Variants in PLCB1 observed in about 807,000 individuals in gnomAD.
The protein encoded by PLCB1 is phospholipase C beta 1.
PLCB1 carries 46 observed loss-of-function variants against 161.8 expected under a neutral mutation model. The observed-to-expected ratio is 0.28, with a 90% confidence interval of 0.22 to 0.36. The LOEUF (loss-of-function observed/expected upper bound fraction) is 0.36. Ranked by LOEUF, PLCB1 falls within the 10% of genes least tolerant of loss-of-function variation. The pLI, the probability that PLCB1 is intolerant of heterozygous loss-of-function variation, is 1.00. For missense variants in PLCB1, 1,016 were observed against 1,472.5 expected (o/e 0.69, Z 5.07); for synonymous variants, 517 against 503.7 (o/e 1.03, Z -0.35).
intron 2 of PLCB1, among the ~76,000 whole-genome samples, chr20:8,263,148 T>C (rs1207105479): frequency 6.6e-6 from 1 of 151,814 alleles, no homozygotes; most frequent in Non-Finnish European, 1.5e-5. Context: ...ATCTGTTAGA[T>C]GGGAATGAAT....
At chr20:8,716,878 A>T (rs1979345362) in intron 13 of PLCB1, among the ~76,000 whole-genome samples, 1 of 152,050 alleles carries the variant, frequency 6.6e-6, no homozygotes, top group Non-Finnish European at 1.5e-5. Flanking sequence ...TCCTTCCCGC[A>T]CCCTTTTGCC....
chr20:8,242,699 T>C (rs1980684616), intron 2 of PLCB1, among the ~76,000 whole-genome samples: 1 of 151,912 alleles, frequency 6.6e-6, no homozygotes, highest in South Asian at 2.1e-4. Flanking sequence ...GAAGTTACCT[T>C]GAAAGAAGGA....
intron 2 of PLCB1, among the ~76,000 whole-genome samples, chr20:8,284,904 C>T (rs1983041350): frequency 6.6e-6 from 1 of 151,978 alleles, no homozygotes; most frequent in African/African-American, 2.4e-5. Flanking sequence ...GTCTTTTGTG[C>T]CTCTTCATTC....
chr20:8,768,738 C>T (rs1362333935), intron 26 of PLCB1, among the ~76,000 whole-genome samples: 4 of 152,206 alleles, frequency 2.6e-5, no homozygotes, highest in South Asian at 2.1e-4. Flanking sequence ...CCCTGAGATA[C>T]TACTTGTGTC....
chr20:8,155,779 T>G (rs1333612132), intron 2 of PLCB1, among the ~76,000 whole-genome samples: 10 of 152,170 alleles, frequency 6.6e-5, no homozygotes, highest in Admixed American at 1.3e-4. Context: ...TTAAATGCAA[T>G]GATGTAGTTA....
intron 7 of PLCB1, chr20:8,653,460 G>A (rs1389580315): frequency 6.6e-6 from 1 of 151,806 alleles, no homozygotes; most frequent in Non-Finnish European, 1.5e-5. Context: ...TGATTTACTT[G>A]TAGTTATTTC....
chr20:8,298,469 A>G (rs1983740711), intron 2 of PLCB1, among the ~76,000 whole-genome samples: 1 of 152,044 alleles, frequency 6.6e-6, no homozygotes, highest in African/African-American at 2.4e-5. Context: ...GCTACTCATT[A>G]TTATCTTGAT....
intron 31 of PLCB1, among the ~76,000 whole-genome samples, chr20:8,871,175 C>T (rs896154126): frequency 6.6e-6 from 1 of 152,142 alleles, no homozygotes; most frequent in African/African-American, 2.4e-5. Flanking sequence ...ATGGCTAATT[C>T]ATGAAAGTAA....
chr20:8,829,603 C>T (rs983488289), intron 31 of PLCB1, among the ~76,000 whole-genome samples: 12 of 152,176 alleles, frequency 7.9e-5, no homozygotes, highest in African/African-American at 2.4e-4. Context: ...TGGCAATGCA[C>T]GCCTGGAAGG....
chr20:8,684,108 T>A (rs1041256493), intron 9 of PLCB1, among the ~76,000 whole-genome samples: 18 of 152,002 alleles, frequency 1.2e-4, no homozygotes, highest in Non-Finnish European at 1.9e-4. Context: ...ATGGTCTCGA[T>A]CTCCTGACCT....
chr20:8,656,790 G>GA (rs11314543), intron 7 of PLCB1, among the ~76,000 whole-genome samples: 136 of 142,594 alleles, frequency 9.5e-4, no homozygotes, highest in Admixed American at 1.8e-3. Context: ...ATTCAAGTAG[G>GA]AAAAAAAAAA....
chr20:8,458,591 G>A (rs182221428), intron 3 of PLCB1, among the ~76,000 whole-genome samples: 111 of 152,224 alleles, frequency 7.3e-4, no homozygotes, highest in Admixed American at 1.2e-3. Context: ...CTACATCAAC[G>A]TCCTTAGATG....
At chr20:8,612,513 A>G (rs1301979432) in intron 3 of PLCB1, among the ~76,000 whole-genome samples, 1 of 152,156 alleles carries the variant, frequency 6.6e-6, no homozygotes, top group South Asian at 2.1e-4. Flanking sequence ...AGGAAGTCCA[A>G]CTACACTCTG....
intron 3 of PLCB1, among the ~76,000 whole-genome samples, chr20:8,469,115 G>A (rs1464418018): frequency 6.6e-6 from 1 of 152,146 alleles, no homozygotes; most frequent in Non-Finnish European, 1.5e-5. Context: ...GATGAAGAAA[G>A]CGTAAGCATC....
intron 4 of PLCB1, among the ~76,000 whole-genome samples, chr20:8,645,181 A>G (rs1474704321): frequency 7.6e-6 from 1 of 132,184 alleles, no homozygotes; most frequent in Non-Finnish European, 1.8e-5. Flanking sequence ...TAAACACTGC[A>G]GGGTCCTCTG....
chr20:8,551,625 A>G (rs1448095590), intron 3 of PLCB1, among the ~76,000 whole-genome samples: 1 of 152,084 alleles, frequency 6.6e-6, no homozygotes, highest in Non-Finnish European at 1.5e-5. Flanking sequence ...TCAAACCATG[A>G]TCTATGGGAG....
intron 31 of PLCB1, among the ~76,000 whole-genome samples, chr20:8,829,038 G>A (rs1216560395): frequency 6.6e-6 from 1 of 152,176 alleles, no homozygotes. Flanking sequence ...ATAGACATAT[G>A]CTAAAGCAAG....
chr20:8,697,706 T>G lies in PLCB1; in HGVS notation c.1090T>G (p.Cys364Gly). ...TGGTTGTCGCTGTGTGGAGCTGGAC[T>G]GCTGGAAGGGACGGACTGCAGAAGA... is the stretch of plus-strand genomic sequence containing the variant. ...LSGCRCVELD[C>G]WKGRTAEEEP... The change falls in exon 11 of 32, where the codon TGC becomes GGC. Residue 364 changes from cysteine (C) to glycine (G), a missense_variant. By Grantham distance (159) the Cys-to-Gly change is radical. Around this residue, in one of 10 missense-constraint regions of PLCB1, gnomAD observed 56 missense variants for 126.3 expected, o/e 0.44. Transcript: ENST00000338037. 1 of 1,614,218 alleles carries G rather than the reference T, an allele frequency of 6.2e-7. No individual in the cohort carries two copies. The highest frequency in any genetic ancestry group is 1.3e-5 in the African/African-American group (1 of 75,054).
intron 27 of PLCB1, among the ~76,000 whole-genome samples, chr20:8,775,556 G>A (rs1023070771): frequency 2.0e-5 from 3 of 152,174 alleles, no homozygotes; most frequent in Admixed American, 2.0e-4. Context: ...AAGGTTGGAA[G>A]CCTATAGATG....
Sources: allele counts gnomAD v4.1 joint callset (sites outside exome capture counted in the v4.1 genomes callset), GRCh38; gene constraint gnomAD v4.1.1; regional missense constraint gnomAD v4.1.1; transcripts MANE v1.5; gene names NCBI Gene and HGNC (gene_info 2026-07-23, HGNC 2026-07-21).